DNM3: variants seen among roughly 807,000 people sequenced by gnomAD.
The protein encoded by DNM3 is dynamin-3.
In DNM3, 47 loss-of-function variants were observed where a neutral mutation model predicts 101.6. The ratio of observed to expected loss-of-function variants is 0.46; its 90% confidence interval spans 0.37 to 0.59. The LOEUF is 0.59. DNM3 is among the 20% of genes least tolerant of loss of function. The probability of loss-of-function intolerance (pLI) is 0.00; values close to 1 mark genes in which losing one functional copy is unlikely to be tolerated. For missense variants in DNM3, 849 were observed against 1,085.7 expected, an observed-to-expected ratio of 0.78 and a Z score of 3.06; for synonymous variants, 385 against 387.9, an observed-to-expected ratio of 0.99 and a Z score of 0.09.
intron 4 of DNM3, among the ~76,000 whole-genome samples, chr1:171,991,682 C>G (rs2045640308): frequency 6.6e-6 from 1 of 152,100 alleles, no homozygotes. Context: ...AACTTCAGCC[C>G]CTCATCCCTC....
At chr1:172,299,478 C>T (rs1173483529) in intron 15 of DNM3, among the ~76,000 whole-genome samples, 1 of 152,072 alleles carries the variant, frequency 6.6e-6, no homozygotes, top group Non-Finnish European at 1.5e-5. Context: ...CAAATGATCC[C>T]ATTACCCATG....
intron 2 of DNM3, among the ~76,000 whole-genome samples, chr1:171,983,783 T>C (rs1331498948): frequency 1.3e-5 from 2 of 152,196 alleles, no homozygotes; most frequent in Admixed American, 6.5e-5. Flanking sequence ...TGCCATCTTC[T>C]GGAAATTTTT....
intron 14 of DNM3, among the ~76,000 whole-genome samples, chr1:172,150,389 A>G (rs773409229): frequency 2.6e-5 from 4 of 152,168 alleles, no homozygotes; most frequent in Non-Finnish European, 5.9e-5. Flanking sequence ...AATGATTTCC[A>G]TTTGCCACAC....
At chr1:171,946,779 A>G (rs1325049457) in intron 2 of DNM3, among the ~76,000 whole-genome samples, 2 of 152,148 alleles carry the variant, frequency 1.3e-5, no homozygotes, top group Non-Finnish European at 2.9e-5. Flanking sequence ...AATGAAGGGG[A>G]GCCAGCATGT....
chr1:172,114,327 G>A (rs1160843249), intron 13 of DNM3, among the ~76,000 whole-genome samples: 5 of 152,218 alleles, frequency 3.3e-5, no homozygotes, highest in Non-Finnish European at 7.3e-5. Flanking sequence ...AAGATAGCCA[G>A]TGCGGCTGAA....
At chr1:172,030,703 AG>A (rs1486977004) in intron 4 of DNM3, among the ~76,000 whole-genome samples, 123 of 152,324 alleles carry the variant, frequency 8.1e-4, no homozygotes, top group African/African-American at 2.9e-3. Context: ...CAAATTTACA[AG>A]AAAAAAAACA....
At chr1:172,009,838 A>G (rs1458786160) in intron 4 of DNM3, among the ~76,000 whole-genome samples, 1 of 151,474 alleles carries the variant, frequency 6.6e-6, no homozygotes. Context: ...TGTTCTATAG[A>G]TGTATTTTAG....
rs1284414346 is a variant in DNM3 at position 172,040,861 on chromosome 1, G to T, written c.993-1148G>T. 3.3e-5 allele frequency among the ~76,000 whole-genome samples: 5 copies of T among 152,148 alleles called. No homozygotes were observed. In the South Asian group the frequency reaches 1.0e-3, roughly 31 times the overall value. Reference sequence around the variant, plus strand: ...TCTGAGCAGAAAGAAAAGTGTAAAAGCACAGGGACATGGTGCATTTGGGGA... The same window carrying T: ...TCTGAGCAGAAAGAAAAGTGTAAAATCACAGGGACATGGTGCATTTGGGGA... On this transcript the variant is annotated intron_variant, in intron 7 of 20. Transcript: ENST00000627582.
At chr1:172,073,360 T>C (rs187548893) in intron 11 of DNM3, among the ~76,000 whole-genome samples, 279 of 152,220 alleles carry the variant, frequency 1.8e-3, no homozygotes, top group African/African-American at 6.5e-3. Flanking sequence ...TATATGCATA[T>C]GTGTACATAT....
chr1:172,046,772 T>A (rs1057407252), intron 9 of DNM3, among the ~76,000 whole-genome samples: 1 of 152,156 alleles, frequency 6.6e-6, no homozygotes, highest in African/African-American at 2.4e-5. Context: ...GTAGAAACTG[T>A]TTTGCTTTTT....
chr1:172,108,842 GC>G (rs2055253357), intron 13 of DNM3, among the ~76,000 whole-genome samples: 1 of 152,168 alleles, frequency 6.6e-6, no homozygotes, highest in East Asian at 1.9e-4. Context: ...TACACACTTA[GC>G]CTGTGATGGA....
At chr1:171,965,791 AT>A (rs1210085787) in intron 2 of DNM3, among the ~76,000 whole-genome samples, 1 of 152,148 alleles carries the variant, frequency 6.6e-6, no homozygotes, top group African/African-American at 2.4e-5. Flanking sequence ...TGATTAAATC[AT>A]TGGCCATTGG....
chr1:172,323,266 A>C, intron 16 of DNM3, 63 bp from the exon 17 acceptor site: 1 of 1,498,762 alleles, frequency 6.7e-7, no homozygotes, highest in Non-Finnish European at 9.0e-7. Flanking sequence ...AAACCCTCAT[A>C]ATTTTAAAAT....
intron 2 of DNM3, among the ~76,000 whole-genome samples, chr1:171,955,946 T>C (rs962868690): frequency 6.6e-6 from 1 of 152,130 alleles, no homozygotes; most frequent in African/African-American, 2.4e-5. Context: ...ATCAATCTCA[T>C]GAGGCTTCTT....
intron 14 of DNM3, among the ~76,000 whole-genome samples, chr1:172,228,010 A>G (rs2061198221): frequency 6.6e-6 from 1 of 152,012 alleles, no homozygotes; most frequent in Non-Finnish European, 1.5e-5. Flanking sequence ...ACACTTTTCT[A>G]TTAGGGTGTT....
At chr1:172,133,581 T>C (rs2057055939) in intron 14 of DNM3, among the ~76,000 whole-genome samples, 1 of 152,162 alleles carries the variant, frequency 6.6e-6, no homozygotes, top group African/African-American at 2.4e-5. Flanking sequence ...ACAAAGTTAC[T>C]GTTCTATGGA....
intron 1 of DNM3, among the ~76,000 whole-genome samples, chr1:171,902,924 G>A (rs1253708290): frequency 5.9e-5 from 9 of 152,242 alleles, no homozygotes; most frequent in Admixed American, 2.0e-4. Context: ...AGGCTCAGGC[G>A]GGAAGATCGC....
intron 14 of DNM3, among the ~76,000 whole-genome samples, chr1:172,237,879 A>G (rs2061603846): frequency 6.6e-6 from 1 of 152,190 alleles, no homozygotes; most frequent in African/African-American, 2.4e-5. Context: ...CAATGTGTTC[A>G]GGCATGGGTT....
chr1:172,404,627 T>C (rs539514413), intron 20 of DNM3, among the ~76,000 whole-genome samples: 62 of 152,202 alleles, frequency 4.1e-4, no homozygotes, highest in South Asian at 6.2e-4. Context: ...TCAATCGCCA[T>C]CATTTAAGTT....
Sources: gnomAD v4.1 joint callset for allele counts (sites outside exome capture counted in the v4.1 genomes callset) on GRCh38, gnomAD v4.1.1 for gene constraint, MANE v1.5 for transcripts, NCBI Gene and HGNC (gene_info 2026-07-23, HGNC 2026-07-21) for gene names.